Variants in HNF4G observed in about 807,000 individuals in gnomAD.
HNF4G encodes the protein hepatocyte nuclear factor 4 gamma.
A neutral mutation model predicts 50.9 loss-of-function variants in HNF4G; 21 were observed. The ratio of observed to expected loss-of-function variants is 0.41; its 90% confidence interval spans 0.29 to 0.59. HNF4G has a LOEUF of 0.59. Among genes scored for constraint, HNF4G ranks in the 20% least tolerant of loss-of-function variants. The pLI, the probability that HNF4G is intolerant of heterozygous loss-of-function variation, is 0.26. For synonymous variants in HNF4G, 198 were observed against 185.6 expected, an observed-to-expected ratio of 1.07 and a Z score of -0.54; for missense variants, 527 against 559.4, an observed-to-expected ratio of 0.94 and a Z score of 0.58.
chr8:75,546,278 A>T (rs1351568408), intron 2 of HNF4G, among the ~76,000 whole-genome samples: 1 of 152,070 alleles, frequency 6.6e-6, no homozygotes, highest in East Asian at 1.9e-4. Context: ...TTTATTTTAC[A>T]ATTGTAAATT....
intron 1 of HNF4G, among the ~76,000 whole-genome samples, chr8:75,423,103 C>T (rs1263290820): frequency 6.6e-6 from 1 of 152,050 alleles, no homozygotes; most frequent in African/African-American, 2.4e-5. Context: ...TCTTCCTTGA[C>T]CTCCTATTCC....
intron 1 of HNF4G, among the ~76,000 whole-genome samples, chr8:75,460,797 A>G (rs977203994): frequency 6.6e-6 from 1 of 152,174 alleles, no homozygotes; most frequent in African/African-American, 2.4e-5. Flanking sequence ...TCAATATTGG[A>G]AGAGTTTTCC....
chr8:75,542,913 G>A (rs557576415), intron 1 of HNF4G, among the ~76,000 whole-genome samples: 10 of 152,230 alleles, frequency 6.6e-5, no homozygotes, highest in African/African-American at 9.6e-5. Flanking sequence ...CAGGCCAGGC[G>A]CAGTGGCTCA....
rs180796704 is a variant in HNF4G, at chr8:75,514,277, G to A, written c.-24+24069G>A. Among the ~76,000 whole-genome samples, 388 of 145,514 alleles carry A rather than the reference G, an allele frequency of 2.7e-3. 1 individual carries two copies. The highest frequency in any genetic ancestry group is 8.8e-3 in the African/African-American group (351 of 39,790). ...ATTGACATAAATCTCTCTTCTGTTT[G>A]TGTGCTGGGTTTATTTTTTCCATCT... On this transcript the variant is annotated intron_variant, in intron 2 of 10. Coordinates refer to the HNF4G transcript ENST00000354370.
intron 1 of HNF4G, among the ~76,000 whole-genome samples, chr8:75,444,892 T>A (rs935762637): frequency 1.7e-5 from 2 of 117,712 alleles, no homozygotes; most frequent in African/African-American, 7.3e-5. Flanking sequence ...TCAACAAGGA[T>A]ACCCAGGAAT....
At chr8:75,507,497 G>A (rs1347905504) in intron 2 of HNF4G, among the ~76,000 whole-genome samples, 3 of 152,144 alleles carry the variant, frequency 2.0e-5, no homozygotes, top group Non-Finnish European at 2.9e-5. Context: ...TTGACCTCGT[G>A]ATCCACCTGC....
chr8:75,477,178 G>GT (rs1008143286), intron 1 of HNF4G, among the ~76,000 whole-genome samples: 1 of 152,104 alleles, frequency 6.6e-6, no homozygotes, highest in African/African-American at 2.4e-5. Flanking sequence ...AAATATTTTG[G>GT]TTTTTTAAGA....
intron 1 of HNF4G, among the ~76,000 whole-genome samples, chr8:75,423,335 C>CTTTTTTTTTTTTTTTTT (rs34511777): frequency 2.1e-5 from 2 of 94,622 alleles, no homozygotes; most frequent in East Asian, 3.5e-4. Flanking sequence ...TTTTCTTTAT[C>CTTTTTTTTTTTTTTTTT]TTTTTTTTTT....
intron 2 of HNF4G, among the ~76,000 whole-genome samples, chr8:75,518,469 T>A (rs1805952073): frequency 6.6e-6 from 1 of 152,046 alleles, no homozygotes; most frequent in Admixed American, 6.6e-5. Context: ...GACCCAGCCA[T>A]CCCATTACTG....
intron 5 of HNF4G, 125 bp from the exon 6 acceptor site, chr8:75,555,857 G>T: frequency 2.2e-6 from 1 of 454,902 alleles, no homozygotes; most frequent in African/African-American, 2.0e-5. Context: ...ATGTATCTAT[G>T]AATACTATAG....
At chr8:75,461,688 T>C (rs1811845421) in intron 1 of HNF4G, among the ~76,000 whole-genome samples, 1 of 151,346 alleles carries the variant, frequency 6.6e-6, no homozygotes, top group South Asian at 2.1e-4. Context: ...AGACCCCAAG[T>C]AGATGCCTGA....
chr8:75,564,775 C>G lies in HNF4G; in HGVS notation c.*679C>G, dbSNP rs887994056. Reference sequence around the variant, plus strand: ...CATGTTGCTTTTATCAGTTAGGATACAGGGTGAACTGTAACAAAGAAACCC... The same window carrying G: ...CATGTTGCTTTTATCAGTTAGGATAGAGGGTGAACTGTAACAAAGAAACCC... On this transcript the variant is annotated 3_prime_UTR_variant, in exon 10 of 10. Transcript: ENST00000396423. The G allele has an allele frequency of 1.3e-5, 2 of 152,188 alleles. No homozygotes were observed. The highest frequency in any genetic ancestry group is 4.1e-4 in the South Asian group (2 of 4,832). The allele number at this position is 152,188 out of a possible 1,614,324, so 9.4% of individuals were successfully genotyped here.
intron 1 of HNF4G, among the ~76,000 whole-genome samples, chr8:75,541,445 T>C (rs533021597): frequency 6.6e-6 from 1 of 152,266 alleles, no homozygotes; most frequent in African/African-American, 2.4e-5. Context: ...TTGTTAATGT[T>C]ACCAGAAGAA....
chr8:75,542,119 AG>A (rs1806637857), intron 1 of HNF4G, among the ~76,000 whole-genome samples: 1 of 152,082 alleles, frequency 6.6e-6, no homozygotes, highest in East Asian at 1.9e-4. Flanking sequence ...TGGGCAACAT[AG>A]TGAGACCTTG....
At chr8:75,492,674 G>T (rs1442683829) in intron 2 of HNF4G, among the ~76,000 whole-genome samples, 1 of 152,110 alleles carries the variant, frequency 6.6e-6, no homozygotes, top group Non-Finnish European at 1.5e-5. Context: ...CCTAGAGGGG[G>T]TTACAATGAT....
At chr8:75,430,375 G>A (rs1337730880) in intron 1 of HNF4G, among the ~76,000 whole-genome samples, 2 of 151,862 alleles carry the variant, frequency 1.3e-5, no homozygotes, top group Admixed American at 6.6e-5. Context: ...GGCAAAAGTT[G>A]GCAGATTTGA....
At chr8:75,425,061 C>CTTATTTAT (rs1810859562) in intron 1 of HNF4G, among the ~76,000 whole-genome samples, 2 of 77,912 alleles carry the variant, frequency 2.6e-5, no homozygotes, top group African/African-American at 1.1e-4. Flanking sequence ...ATCAATGCAG[C>CTTATTTAT]CTATTTATTT....
rs771858271 is a variant in HNF4G at position 75,540,018 on chromosome 8, T to G, written c.56T>G (p.Val19Gly). The G allele has an allele frequency of 1.2e-6, 2 of 1,609,064 alleles. No individual in the cohort carries two copies. The highest frequency in any genetic ancestry group is 1.7e-6 in the Non-Finnish European group (2 of 1,175,538). Reference protein sequence around the residue: ...LDMDMANYSEVLDPTYTTLEF... With the variant: ...LDMDMANYSEGLDPTYTTLEF... Reference sequence around the variant, plus strand: ...ATGGACATGGCAAATTACAGTGAAGTTTTGGACCCAACTTACACAACTTTG... The same window carrying G: ...ATGGACATGGCAAATTACAGTGAAGGTTTGGACCCAACTTACACAACTTTG... The change falls in exon 1 of 10, where the codon GTT becomes GGT. Residue 19 changes from valine to glycine, a missense_variant. Physicochemically the swap from Val to Gly is moderately radical, Grantham distance 109 (BLOSUM62 -3). Coordinates refer to ENST00000396423, the MANE Select transcript of HNF4G (RefSeq NM_004133.5).
In HNF4G at chr8:75,560,573, G is replaced by T. The variant is rs1807281994; in HGVS notation, c.1246+107G>T. 4.9e-6 allele frequency: 5 copies of T among 1,010,630 alleles called. No individual in the cohort carries two copies. In the Admixed American group the frequency reaches 1.1e-4, roughly 23 times the overall value. The allele number at this position is 1,010,630 out of a possible 1,614,324, so 62.6% of individuals were successfully genotyped here. On this transcript the variant is annotated intron_variant, in intron 9 of 9. Transcript: ENST00000396423. The stretch of plus-strand genomic sequence containing the variant: ...TAACCAGAAATGGCAAAAACTTGGT[G>T]TAATTTCCCATCTGAGACTCAGCAG...
Sources: gnomAD v4.1 joint callset for allele counts (sites outside exome capture counted in the v4.1 genomes callset) on GRCh38, gnomAD v4.1.1 for gene constraint, MANE v1.5 for transcripts, NCBI Gene and HGNC (gene_info 2026-07-23, HGNC 2026-07-21) for gene names.